The following QTGAL variants were observed in gnomAD, a reference collection of about 807,000 sequenced individuals.
QTGAL encodes the protein BGnT-like protein 1.
the QTGAL span, among the ~76,000 whole-genome samples, chr17:83,044,799 A>G: frequency 8.9e-4 from 136 of 152,318 alleles, no homozygotes; most frequent in African/African-American, 3.2e-3. Context: ...CAAAAAAATT[A>G]GCTGGTTGTG....
At chr17:83,041,122 G>GGAGCT in the QTGAL span, among the ~76,000 whole-genome samples, 1 of 151,048 alleles carries the variant, frequency 6.6e-6, no homozygotes, top group East Asian at 1.9e-4. Context: ...TTTTACTGGA[G>GGAGCT]GAGCTCAAGA....
chr17:82,982,346 T>A, the QTGAL span, among the ~76,000 whole-genome samples: 2 of 152,270 alleles, frequency 1.3e-5, no homozygotes, highest in African/African-American at 4.8e-5. Context: ...TTCACACTCA[T>A]GTTATTCAAG....
the QTGAL span, among the ~76,000 whole-genome samples, chr17:82,962,519 GCTCCC>G: frequency 4.0e-4 from 57 of 141,502 alleles, 1 homozygote; most frequent in Middle Eastern, 3.8e-3. Context: ...TAGGGTGGAG[GCTCCC>G]GCGGGTGCTG....
chr17:83,017,807 C>T, the QTGAL span, among the ~76,000 whole-genome samples: 2 of 149,028 alleles, frequency 1.3e-5, no homozygotes, highest in African/African-American at 2.5e-5. Flanking sequence ...CCATGAACAC[C>T]GTGCGCCTGT....
At chr17:83,044,816 C>T in the QTGAL span, among the ~76,000 whole-genome samples, 4,634 of 152,282 alleles carry the variant, frequency 0.03, 245 homozygotes, top group African/African-American at 0.11. Context: ...TGTGGTGGCG[C>T]ACGCCTGTAG....
chr17:82,967,291 A>G, the QTGAL span, among the ~76,000 whole-genome samples: 3 of 152,314 alleles, frequency 2.0e-5, no homozygotes, highest in East Asian at 5.8e-4. Flanking sequence ...AGATTACGCC[A>G]GCATCTGTAC....
the QTGAL span, among the ~76,000 whole-genome samples, chr17:82,970,656 C>CCTCTGCACACAGCGTGGCCAT: frequency 8.1e-3 from 310 of 38,302 alleles, 79 homozygotes; most frequent in African/African-American, 0.037. Flanking sequence ...GGTGTGGCCG[C>CCTCTGCACACAGCGTGGCCAT]GACCTCCGCA....
At chr17:83,045,580 A>T in the QTGAL span, among the ~76,000 whole-genome samples, 1 of 152,228 alleles carries the variant, frequency 6.6e-6, no homozygotes, top group Non-Finnish European at 1.5e-5. Flanking sequence ...GATAAATTAG[A>T]TTTTTGTCTT....
At chr17:83,025,546 G>A in the QTGAL span, among the ~76,000 whole-genome samples, 3 of 45,690 alleles carry the variant, frequency 6.6e-5, no homozygotes, top group African/African-American at 2.5e-4. Context: ...CGGACACCGC[G>A]GAGTCCACAC....
At chr17:82,969,132 A>AG in the QTGAL span, among the ~76,000 whole-genome samples, 1 of 68,212 alleles carries the variant, frequency 1.5e-5, no homozygotes, top group Non-Finnish European at 4.2e-5. Context: ...ACTCCATTTC[A>AG]GGAAAAAAAA....
chr17:82,967,878 T>C, the QTGAL span, among the ~76,000 whole-genome samples: 2 of 151,948 alleles, frequency 1.3e-5, no homozygotes, highest in Non-Finnish European at 2.9e-5. Context: ...AAGGGTGCAG[T>C]GAGCTGTGAT....
the QTGAL span, among the ~76,000 whole-genome samples, chr17:82,961,519 G>A: frequency 2.1e-4 from 32 of 152,318 alleles, no homozygotes; most frequent in South Asian, 1.0e-3. Context: ...TCACAGCCAC[G>A]GCTCCTGGAT....
the QTGAL span, chr17:82,961,181 C>T: frequency 6.2e-7 from 1 of 1,606,136 alleles, no homozygotes. Context: ...TCCGGGACGC[C>T]CTGCAGGGCG....
At chr17:82,944,996 A>C in the QTGAL span, 3 of 152,228 alleles carry the variant, frequency 2.0e-5, no homozygotes, top group African/African-American at 7.2e-5. Flanking sequence ...CTAAAGTGGA[A>C]AATTTGATTG....
the QTGAL span, chr17:82,947,857 G>A: frequency 3.3e-5 from 5 of 152,500 alleles, no homozygotes; most frequent in African/African-American, 9.6e-5. Flanking sequence ...GCCGCTATCT[G>A]TCCTTCCTCC....
At chr17:82,997,955 C>CTATA in the QTGAL span, among the ~76,000 whole-genome samples, 2 of 144,096 alleles carry the variant, frequency 1.4e-5, no homozygotes, top group African/African-American at 5.1e-5. Context: ...ATATCTATAT[C>CTATA]TATCTAGATC....
chr17:82,964,732 ACGCC>A, the QTGAL span, among the ~76,000 whole-genome samples: 34 of 127,554 alleles, frequency 2.7e-4, no homozygotes, highest in African/African-American at 4.8e-4. Context: ...GGGGACACGG[ACGCC>A]TGCAGGTGCA....
At chr17:82,949,889 A>G in the QTGAL span, 1 of 152,218 alleles carries the variant, frequency 6.6e-6, no homozygotes, top group Admixed American at 6.5e-5. Context: ...GAGTGCCACA[A>G]CACCAGCGTG....
chr17:83,035,179 A>T, the QTGAL span: 3 of 1,188,110 alleles, frequency 2.5e-6, no homozygotes, highest in Non-Finnish European at 2.4e-6. Flanking sequence ...AGTATATGAT[A>T]TTCTTTTTTT....
Sources: allele counts gnomAD v4.1 joint callset (sites outside exome capture counted in the v4.1 genomes callset), GRCh38; gene constraint gnomAD v4.1.1; transcripts MANE v1.5; gene names NCBI Gene and HGNC (gene_info 2026-07-23, HGNC 2026-07-21).